TNNT2: variants seen among roughly 807,000 people sequenced by gnomAD.
The protein encoded by TNNT2 is troponin T, cardiac muscle.
In TNNT2, 34 loss-of-function variants were observed where a neutral mutation model predicts 62.4. The ratio of observed to expected loss-of-function variants is 0.54; its 90% CI spans 0.41 to 0.72. The LOEUF (loss-of-function observed/expected upper bound fraction) is 0.72. Ranked by LOEUF, TNNT2 falls within the 30% of genes least tolerant of loss-of-function variation. The pLI, the probability that TNNT2 is intolerant of heterozygous loss-of-function variation, is 0.00. For missense variants in TNNT2, 275 were observed against 381.9 expected, an observed-to-expected ratio of 0.72 and a Z score of 2.33; for synonymous variants, 123 against 127.2, an observed-to-expected ratio of 0.97 and a Z score of 0.22.
intron 15 of TNNT2, chr1:201,360,950 G>T: frequency 2.5e-6 from 1 of 406,096 alleles, no homozygotes; most frequent in Non-Finnish European, 4.7e-6. Context: ...TTCCACTGGG[G>T]GTCCTGGCTT....
At chr1:201,360,855 G>C (rs1658490912) in intron 15 of TNNT2, 3 of 317,426 alleles carry the variant, frequency 9.5e-6, no homozygotes, top group Non-Finnish European at 1.8e-5. Flanking sequence ...GAAAGACTGT[G>C]AGCTTGAGGC....
intron 5 of TNNT2, 163 bp from the exon 6 acceptor site, chr1:201,368,390 G>T (rs989316733): frequency 6.7e-6 from 5 of 748,234 alleles, no homozygotes; most frequent in South Asian, 5.9e-5. Context: ...GCCATTCTTG[G>T]TTTTGACTGT....
chr1:201,367,921 G>T, intron 6 of TNNT2, 115 bp from the exon 7 acceptor site: 1 of 1,305,408 alleles, frequency 7.7e-7, no homozygotes. Flanking sequence ...CACTCTGTTG[G>T]TTTTTGGGGT....
intron 1 of TNNT2, chr1:201,374,778 C>T (rs1272839272): frequency 6.6e-6 from 1 of 152,222 alleles, no homozygotes; most frequent in Non-Finnish European, 1.5e-5. Flanking sequence ...CAGTGCACTG[C>T]TCCAGGGACA....
intron 10 of TNNT2, among the ~76,000 whole-genome samples, 197 bp downstream of exon 10, chr1:201,364,994 G>T (rs887335943): frequency 6.6e-6 from 1 of 152,146 alleles, no homozygotes; most frequent in African/African-American, 2.4e-5. Flanking sequence ...AGGATGGGGA[G>T]GGAAGGCAGG....
At chr1:201,375,724 T>A (rs1463217166) in intron 1 of TNNT2, among the ~76,000 whole-genome samples, 3 of 152,160 alleles carry the variant, frequency 2.0e-5, no homozygotes, top group Non-Finnish European at 4.4e-5. Context: ...AGGAGAAGCT[T>A]GTCCCTCAGT....
intron 7 of TNNT2, 154 bp from the exon 8 acceptor site, chr1:201,367,025 C>A: frequency 7.6e-7 from 1 of 1,314,250 alleles, no homozygotes. Context: ...CAGAAGCATC[C>A]AGGAGAATGA....
intron 5 of TNNT2, among the ~76,000 whole-genome samples, chr1:201,369,054 G>A (rs1019232787): frequency 2.6e-5 from 4 of 152,154 alleles, no homozygotes; most frequent in African/African-American, 7.2e-5. Context: ...GGGCTAGCGA[G>A]GAAGGACATG....
intron 4 of TNNT2, among the ~76,000 whole-genome samples, chr1:201,370,389 G>A (rs943001649): frequency 2.0e-5 from 3 of 152,178 alleles, no homozygotes; most frequent in Non-Finnish European, 4.4e-5. Flanking sequence ...TGGCCCCAGG[G>A]GAGATTTGCC....
intron 1 of TNNT2, 104 bp downstream of exon 1, chr1:201,377,519 C>A: frequency 2.2e-6 from 1 of 456,036 alleles, no homozygotes; most frequent in Non-Finnish European, 4.4e-6. Flanking sequence ...TGGACTTCTG[C>A]GGACACAGGC....
Position 201,365,424 on chromosome 1 carries a change from G to A in TNNT2, c.295-117C>T, listed in dbSNP as rs1032283236. 6.7e-6 allele frequency: 8 copies of A among 1,193,160 alleles called. No homozygotes were observed. In the Admixed American group the frequency reaches 1.4e-4, roughly 20 times the overall value. 73.9% of individuals were successfully genotyped at this position (1,193,160 alleles called of 1,614,324 possible). On this transcript the variant is annotated intron_variant, in intron 9 of 16. Transcript: ENST00000656932. ...AGACCTCTGGCAGGGCCTGGCGCCT[G>A]GCCAGGGAAGGGGTAACTGTGGCCT...
intron 4 of TNNT2, among the ~76,000 whole-genome samples, chr1:201,370,401 G>A (rs901366606): frequency 2.0e-5 from 3 of 152,158 alleles, no homozygotes; most frequent in Non-Finnish European, 2.9e-5. Flanking sequence ...AGATTTGCCC[G>A]GCCTGTTGGG....
In TNNT2 at chr1:201,373,792, C is replaced by T. The variant is rs1049569529; in HGVS notation, c.-14-524G>A. The stretch of plus-strand genomic sequence containing the variant: ...TTTTGCCACATTGCCCAGGCTGTTT[C>T]GAACTCCCAGGCTCAAGGGATCCTC... On this transcript the variant is annotated intron_variant, in intron 1 of 16. Transcript: ENST00000656932. 3 of 197,514 alleles carry T rather than the reference C, an allele frequency of 1.5e-5. No individual in the cohort carries two copies. The South Asian group carries it at 3.1e-4, about 20-fold the overall frequency. The allele number at this position is 197,514 out of a possible 1,614,324, so 12.2% of individuals were successfully genotyped here. A position where few individuals can be genotyped will look rare whatever the true frequency, so the allele number is the denominator to read the frequency against.
chr1:201,371,979 T>A, intron 4 of TNNT2, 48 bp downstream of exon 4: 1 of 1,613,546 alleles, frequency 6.2e-7, no homozygotes, highest in African/African-American at 1.3e-5. Context: ...GATTTCCACA[T>A]TGCTGAGCCT....
At position 201,372,213 on chromosome 1, in the gene TNNT2, C is replaced by T. The variant is rs868407; in HGVS notation, c.42-58G>A. 0.73 allele frequency: 1,177,768 copies of T among 1,611,856 alleles called. 431,504 individuals are homozygous for T. The highest frequency in any genetic ancestry group is 0.83 in the South Asian group (75,229 of 91,060). On this transcript the variant is annotated intron_variant, in intron 2 of 16. Coordinates refer to ENST00000656932, the MANE Select transcript of TNNT2 (RefSeq NM_001276345.2). ...GCACACAAGCACATGCAAACACACA[C>T]GCCTGCACACACATGCACACACTGG...
chr1:201,370,560 C>T (rs1660472212), intron 4 of TNNT2, among the ~76,000 whole-genome samples: 1 of 152,354 alleles, frequency 6.6e-6, no homozygotes, highest in Middle Eastern at 3.4e-3. Flanking sequence ...GGACACCTGG[C>T]ATTATCTATC....
chr1:201,366,978 A>C, intron 7 of TNNT2, 107 bp from the exon 8 acceptor site: 1 of 1,585,902 alleles, frequency 6.3e-7, no homozygotes, highest in Non-Finnish European at 8.6e-7. Context: ...CCCCATCTGC[A>C]CAGTGAGTCC....
At chr1:201,362,779 A>C (rs61819994) in intron 12 of TNNT2, among the ~76,000 whole-genome samples, 12,207 of 152,258 alleles carry the variant, frequency 0.08, 514 homozygotes, top group Non-Finnish European at 0.099. Context: ...CACAAAAGTT[A>C]GGGATCGAGA....
At chr1:201,359,799 G>A (rs1342986373) in intron 15 of TNNT2, 136 bp from the exon 16 acceptor site, 2 of 806,108 alleles carry the variant, frequency 2.5e-6, no homozygotes, top group Non-Finnish European at 4.3e-6. Flanking sequence ...GAGTAGGAGG[G>A]GTTAGGATAG....
Sources: gnomAD v4.1 joint callset for allele counts (sites outside exome capture counted in the v4.1 genomes callset) on GRCh38, gnomAD v4.1.1 for gene constraint, MANE v1.5 for transcripts, NCBI Gene and HGNC (gene_info 2026-07-23, HGNC 2026-07-21) for gene names.